The following ZNF184 variants were observed in gnomAD, a reference collection of about 807,000 sequenced individuals.
ZNF184 encodes zinc finger protein 184 (Kruppel-like).
ZNF184 carries 16 observed loss-of-function variants against 54.4 expected under a neutral mutation model. The observed-to-expected ratio is 0.29, with a 90% CI of 0.20 to 0.45. The LOEUF (loss-of-function observed/expected upper bound fraction) is 0.45. ZNF184 is among the 20% of genes least tolerant of loss of function. The probability of loss-of-function intolerance (pLI) is 1.00; values close to 1 mark genes in which losing one functional copy is unlikely to be tolerated. For missense variants in ZNF184, 681 were observed against 888.2 expected (o/e 0.77, Z 2.97); for synonymous variants, 254 against 295.3 (o/e 0.86, Z 1.43).
the ZNF184 span, among the ~76,000 whole-genome samples, chr6:27,423,042 G>C: frequency 6.6e-6 from 1 of 152,232 alleles, no homozygotes; most frequent in Admixed American, 6.5e-5. Context: ...CTTCGGAAGT[G>C]GCCTCGGAGG....
At chr6:27,440,837 A>G in the ZNF184 span, among the ~76,000 whole-genome samples, 1 of 151,996 alleles carries the variant, frequency 6.6e-6, no homozygotes, top group Admixed American at 6.5e-5. Context: ...CCCCGTCTCT[A>G]ATAAAAAATA....
intron 3 of ZNF184, among the ~76,000 whole-genome samples, chr6:27,465,897 A>G (rs1210133401): frequency 6.6e-6 from 1 of 152,196 alleles, no homozygotes. Context: ...GACCAAACTG[A>G]TATCTGTGGT....
At chr6:27,411,800 C>A in the ZNF184 span, among the ~76,000 whole-genome samples, 3 of 152,244 alleles carry the variant, frequency 2.0e-5, no homozygotes, top group African/African-American at 4.8e-5. Flanking sequence ...AGGTGCTTGG[C>A]ATGGGCCCTT....
chr6:27,424,310 G>A, the ZNF184 span, among the ~76,000 whole-genome samples: 4 of 152,240 alleles, frequency 2.6e-5, no homozygotes, highest in Admixed American at 6.5e-5. Flanking sequence ...GTAAGCAGCA[G>A]CAAGATTTAT....
chr6:27,435,165 G>A, the ZNF184 span, among the ~76,000 whole-genome samples: 1 of 151,876 alleles, frequency 6.6e-6, no homozygotes, highest in Non-Finnish European at 1.5e-5. Context: ...TTTAGGATGA[G>A]TTTTTCTTAT....
At chr6:27,449,997 C>T (rs1326946094), downstream of ZNF184, among the ~76,000 whole-genome samples, 2 of 152,114 alleles carry the variant, frequency 1.3e-5, no homozygotes. Flanking sequence ...ATAGATATGT[C>T]TGAGCAAAAG....
the ZNF184 span, among the ~76,000 whole-genome samples, chr6:27,433,811 T>A: frequency 6.6e-6 from 1 of 152,232 alleles, no homozygotes; most frequent in African/African-American, 2.4e-5. Flanking sequence ...GATGCACAAA[T>A]ATCTCTTCAA....
chr6:27,456,162 G>T (rs1452572387), intron 5 of ZNF184, among the ~76,000 whole-genome samples: 1 of 152,082 alleles, frequency 6.6e-6, no homozygotes, highest in Non-Finnish European at 1.5e-5. Flanking sequence ...GGAGACTGAG[G>T]TGGGAGGATT....
At chr6:27,422,701 C>T in the ZNF184 span, among the ~76,000 whole-genome samples, 10 of 152,140 alleles carry the variant, frequency 6.6e-5, no homozygotes, top group Non-Finnish European at 1.5e-4. Flanking sequence ...GAAAAGATTC[C>T]TGTTTCCCAG....
chr6:27,463,251 T>C (rs1481597259), intron 3 of ZNF184, among the ~76,000 whole-genome samples: 3 of 149,282 alleles, frequency 2.0e-5, no homozygotes, highest in African/African-American at 7.4e-5. Flanking sequence ...ATTGTGCACA[T>C]GTACCCTAAA....
At chr6:27,415,819 A>T in the ZNF184 span, among the ~76,000 whole-genome samples, 1 of 152,108 alleles carries the variant, frequency 6.6e-6, no homozygotes, top group Non-Finnish European at 1.5e-5. Flanking sequence ...CTGTGTCTGT[A>T]CTAGTTTGCT....
At chr6:27,432,771 C>T in the ZNF184 span, among the ~76,000 whole-genome samples, 76 of 152,294 alleles carry the variant, frequency 5.0e-4, no homozygotes, top group South Asian at 3.1e-3. The surrounding 1 kb of genome is among the most constrained non-coding windows in gnomAD (Gnocchi z 4.0). Context: ...TCTCCCATTC[C>T]ACCTCCCAAC....
At position 27,452,728 on chromosome 6, in the gene ZNF184, T is replaced by C. The variant is rs1405064502; in HGVS notation, c.831A>G (p.Pro277=). Reference sequence around the variant, plus strand: ...CTTTTCCACACTGATCACATTTATATGGTTTATCTCCAGTATGAATTCTTT... The same window carrying C: ...CTTTTCCACACTGATCACATTTATACGGTTTATCTCCAGTATGAATTCTTT... The part of the protein sequence containing the change: ...NHQRIHTGDK[P]YKCDQCGKGF... Residue 277 remains proline (P), a synonymous_variant, in exon 6 of 6, where the codon CCA becomes CCG. Coordinates refer to ENST00000683788, the MANE Select transcript of ZNF184 (RefSeq NM_001318891.2). This position sits in a 1 kb window ranked among gnomAD's most constrained non-coding sequence, Gnocchi z 5.5. 10 of 1,614,012 alleles carry C rather than the reference T, an allele frequency of 6.2e-6. No individual in the cohort carries two copies. The highest frequency in any genetic ancestry group is 8.5e-6 in the Non-Finnish European group (10 of 1,180,016).
chr6:27,471,754 G>A (rs935339077), intron 2 of ZNF184, among the ~76,000 whole-genome samples: 1 of 152,188 alleles, frequency 6.6e-6, no homozygotes, highest in African/African-American at 2.4e-5. Flanking sequence ...AGAACAGACA[G>A]TTTCCTTTTC....
intron 3 of ZNF184, among the ~76,000 whole-genome samples, chr6:27,465,504 A>AAAG (rs1282216432): frequency 4.3e-4 from 64 of 150,028 alleles, no homozygotes; most frequent in African/African-American, 1.6e-3. Flanking sequence ...AAAAAAAAAA[A>AAAG]AAAAAGCAAA....
At chr6:27,449,626 C>A (rs1255111413), downstream of ZNF184, among the ~76,000 whole-genome samples, 1 of 152,084 alleles carries the variant, frequency 6.6e-6, no homozygotes, top group Non-Finnish European at 1.5e-5. Flanking sequence ...TGGTGGCATG[C>A]ACCTATAGTT....
At chr6:27,424,250 G>A in the ZNF184 span, among the ~76,000 whole-genome samples, 131 of 152,312 alleles carry the variant, frequency 8.6e-4, 1 homozygote, top group African/African-American at 2.2e-3. Context: ...TAACGCTGCA[G>A]ACTTTTGTGA....
At chr6:27,405,124 A>G in the ZNF184 span, 11 of 152,330 alleles carry the variant, frequency 7.2e-5, no homozygotes, top group East Asian at 2.1e-3. Context: ...AGTAACTGCA[A>G]TGGCAAAAAC....
chr6:27,410,706 A>AT, the ZNF184 span, among the ~76,000 whole-genome samples: 2 of 151,988 alleles, frequency 1.3e-5, no homozygotes, highest in Admixed American at 1.3e-4. Context: ...TAATTTTTGT[A>AT]TTTTTAGTAG....
Sources: gnomAD v4.1 joint callset for allele counts (sites outside exome capture counted in the v4.1 genomes callset) on GRCh38, gnomAD v4.1.1 for gene constraint, Gnocchi (gnomAD v3.1) non-coding constraint, MANE v1.5 for transcripts, NCBI Gene and HGNC (gene_info 2026-07-23, HGNC 2026-07-21) for gene names.